The following SGTB variants were observed in gnomAD, a reference collection of about 807,000 sequenced individuals.
SGTB encodes the protein small glutamine rich tetratricopeptide repeat co-chaperone beta.
A neutral mutation model predicts 43.9 loss-of-function variants in SGTB; 19 were observed. That is an observed-to-expected ratio of 0.43 (90% confidence interval 0.30 to 0.63). The LOEUF (loss-of-function observed/expected upper bound fraction) is 0.63, where lower values mean the gene tolerates loss of function less well. Ranked by LOEUF, SGTB falls within the 30% of genes least tolerant of loss-of-function variation. The probability of loss-of-function intolerance (pLI) is 0.12; values close to 1 mark genes in which losing one functional copy is unlikely to be tolerated. For missense variants in SGTB, 304 were observed against 358.9 expected (o/e 0.85, Z 1.24); for synonymous variants, 116 against 117.3 (o/e 0.99, Z 0.07).
At chr5:65,696,649 T>C (rs1418864536) in intron 5 of SGTB, among the ~76,000 whole-genome samples, 1 of 152,190 alleles carries the variant, frequency 6.6e-6, no homozygotes, top group African/African-American at 2.4e-5. Context: ...AAAACAAATA[T>C]GCATATAAGA....
chr5:65,680,895 A>T (rs986544861), intron 6 of SGTB, 101 bp from the exon 7 acceptor site: 20 of 1,269,380 alleles, frequency 1.6e-5, no homozygotes, highest in Non-Finnish European at 2.2e-5. Flanking sequence ...TTCAGTTCTA[A>T]TCCAGATTAC....
Position 65,722,067 on chromosome 5 carries a change from C to G in SGTB, c.-173G>C, listed in dbSNP as rs1181774971. The G allele has an allele frequency of 6.2e-6, 1 of 161,568 alleles. No homozygotes were observed. Among genetic ancestry groups the G allele is most frequent in the Non-Finnish European group, 1.3e-5 (1 of 74,902 alleles). 10.0% of individuals were successfully genotyped at this position (161,568 alleles called of 1,614,324 possible). ...TTCCCCGGCCCCTAGGCCGTAGACCCCAGAACCCACCAGGCTGTGCTCTCT... is the reference window on the plus strand; with the variant it reads ...TTCCCCGGCCCCTAGGCCGTAGACCGCAGAACCCACCAGGCTGTGCTCTCT... On this transcript the variant is annotated 5_prime_UTR_variant, in exon 1 of 11. Transcript: ENST00000381007.
intron 3 of SGTB, among the ~76,000 whole-genome samples, chr5:65,710,995 CA>C (rs982877268): frequency 0.28 from 26,208 of 93,066 alleles, 2,371 homozygotes; most frequent in Non-Finnish European, 0.31. Context: ...GACTCTGTCT[CA>C]AAAAAAAAAA....
intron 5 of SGTB, among the ~76,000 whole-genome samples, chr5:65,690,634 A>T (rs1231019924): frequency 6.6e-6 from 1 of 152,218 alleles, no homozygotes; most frequent in African/African-American, 2.4e-5. Flanking sequence ...TATTAAACAC[A>T]AGGCAAATCA....
chr5:65,670,085 A>G lies in SGTB; in HGVS notation c.*161T>C. On this transcript the variant is annotated 3_prime_UTR_variant, in exon 11 of 11. Coordinates refer to ENST00000381007, the MANE Select transcript of SGTB (RefSeq NM_019072.3). The stretch of plus-strand genomic sequence containing the variant: ...TGTGATAAACCTATTGTCTAAACAG[A>G]TTTATTCTTTAAGAATATACACAAG... The G allele has an allele frequency of 5.1e-6, 3 of 585,402 alleles. No homozygotes were observed. Among genetic ancestry groups the G allele is most frequent in the Non-Finnish European group, 8.9e-6 (3 of 338,134 alleles). 36.3% of individuals were successfully genotyped at this position (585,402 alleles called of 1,614,324 possible). A position where few individuals can be genotyped will look rare whatever the true frequency, so the allele number is the denominator to read the frequency against.
intron 2 of SGTB, among the ~76,000 whole-genome samples, chr5:65,719,561 C>T (rs924267807): frequency 2.0e-5 from 3 of 152,078 alleles, no homozygotes; most frequent in African/African-American, 7.2e-5. Context: ...CCACTACACT[C>T]CAGCCTGGGT....
chr5:65,704,520 C>T lies in SGTB; in HGVS notation c.275-142G>A, dbSNP rs1757892733. 7.8e-6 allele frequency: 4 copies of T among 515,472 alleles called. No homozygotes were observed. The East Asian group carries it at 1.3e-4, about 17-fold the overall frequency. The allele number at this position is 515,472 out of a possible 1,614,324, so 31.9% of individuals were successfully genotyped here. A position where few individuals can be genotyped will look rare whatever the true frequency, so the allele number is the denominator to read the frequency against. ...TTCAGTCACACTGGAAAAAATTTTA[C>T]ATTGTACTATAGAGTTGATATTATT... On this transcript the variant is annotated intron_variant, in intron 4 of 10. Transcript: ENST00000381007.
chr5:65,704,049 A>AAATAAAT (rs1554025724), intron 5 of SGTB, among the ~76,000 whole-genome samples: 3 of 139,636 alleles, frequency 2.1e-5, no homozygotes, highest in Admixed American at 7.2e-5. Flanking sequence ...AAAAAAAAAA[A>AAATAAAT]AAATAAATAA....
At chr5:65,698,841 A>G (rs1352884035) in intron 5 of SGTB, among the ~76,000 whole-genome samples, 1 of 152,134 alleles carries the variant, frequency 6.6e-6, no homozygotes, top group African/African-American at 2.4e-5. Context: ...ATACCACCTT[A>G]CTCTTGCAAG....
intron 10 of SGTB, 101 bp downstream of exon 10, chr5:65,671,814 A>G: frequency 9.3e-7 from 1 of 1,076,356 alleles, no homozygotes; most frequent in Admixed American, 2.7e-5. Context: ...ACTAACGGTA[A>G]AAGATAAACA....
At position 65,668,759 on chromosome 5, in the gene SGTB, T is replaced by G. The variant is rs981951229; in HGVS notation, c.*1487A>C. The stretch of plus-strand genomic sequence containing the variant: ...CATCTCAAGAAAAAAAAAAAAAAAA[T>G]TAGCTGGGCGTGGTGGTGGGCGCCC... On this transcript the variant is annotated 3_prime_UTR_variant, in exon 11 of 11. Transcript: ENST00000381007. 3.4e-5 allele frequency: 4 copies of G among 118,680 alleles called. No homozygotes were observed. Among genetic ancestry groups the G allele is most frequent in the Non-Finnish European group, 5.5e-5 (3 of 54,402 alleles). The allele number at this position is 118,680 out of a possible 1,614,324, so 7.4% of individuals were successfully genotyped here.
chr5:65,717,294 T>C (rs552288772), intron 2 of SGTB, among the ~76,000 whole-genome samples: 3 of 152,264 alleles, frequency 2.0e-5, no homozygotes, highest in South Asian at 4.1e-4. Context: ...AAGGGAGACA[T>C]ACAATTAAGC....
intron 8 of SGTB, 123 bp from the exon 9 acceptor site, chr5:65,672,404 G>T: frequency 8.3e-7 from 1 of 1,205,036 alleles, no homozygotes; most frequent in Non-Finnish European, 1.2e-6. Context: ...TAGAGTTTCA[G>T]TGTGCTATGC....
At chr5:65,722,390 T>A (rs1478045280), upstream of SGTB, 4 of 1,589,750 alleles carry the variant, frequency 2.5e-6, no homozygotes. Context: ...GCCCGGTGCC[T>A]TTTGGCTGTG....
chr5:65,718,288 C>A (rs1758188694), intron 2 of SGTB, among the ~76,000 whole-genome samples: 1 of 152,120 alleles, frequency 6.6e-6, no homozygotes, highest in Non-Finnish European at 1.5e-5. Flanking sequence ...TAATACCAGC[C>A]ACCCGCCTCA....
At chr5:65,670,702 T>C (rs1757138427) in intron 10 of SGTB, among the ~76,000 whole-genome samples, 1 of 152,236 alleles carries the variant, frequency 6.6e-6, no homozygotes. Flanking sequence ...CAAGTCTTAA[T>C]AGTCTCATAT....
intron 5 of SGTB, among the ~76,000 whole-genome samples, chr5:65,690,149 TA>T (rs1220708471): frequency 1.3e-5 from 2 of 151,796 alleles, no homozygotes; most frequent in Admixed American, 1.3e-4. Flanking sequence ...AAAGGATGCT[TA>T]AAAAGAGCCA....
rs1217109659 is a variant in SGTB at position 65,667,652 on chromosome 5, G to A, written c.*2594C>T. 1 of 151,936 alleles carries A rather than the reference G, an allele frequency of 6.6e-6. No homozygotes were observed. The highest frequency in any genetic ancestry group is 1.5e-5 in the Non-Finnish European group (1 of 68,006). 9.4% of individuals were successfully genotyped at this position (151,936 alleles called of 1,614,324 possible). ...CTTCGTTGTAGCTTTGTTTGGCCCAGGTGCTTAGGTGTTTGCAGGTCTGAG... is the reference window on the plus strand; with the variant it reads ...CTTCGTTGTAGCTTTGTTTGGCCCAAGTGCTTAGGTGTTTGCAGGTCTGAG... On this transcript the variant is annotated 3_prime_UTR_variant, in exon 11 of 11. Transcript: ENST00000381007.
In SGTB at chr5:65,670,301, A is replaced by G; in HGVS notation, c.860T>C (p.Leu287Pro). ...TGATCTGCTCCGGATGTGATTTCTC[A>G]GTTGCTCTATAAGTTCAGGATTTTG... Reference protein sequence around the residue: ...QQQNPELIEQLRNHIRSRSFS... With the variant: ...QQQNPELIEQPRNHIRSRSFS... The change falls in exon 11 of 11, where the codon CTG (leucine) becomes CCG (proline). Residue 287 changes from leucine (L) to proline (P), a missense_variant. Transcript: ENST00000381007. The G allele has an allele frequency of 1.2e-6, 2 of 1,614,188 alleles. No homozygotes were observed. Among genetic ancestry groups the G allele is most frequent in the Non-Finnish European group, 1.7e-6 (2 of 1,180,006 alleles).
Sources: gnomAD v4.1 joint callset for allele counts (sites outside exome capture counted in the v4.1 genomes callset) on GRCh38, gnomAD v4.1.1 for gene constraint, MANE v1.5 for transcripts, NCBI Gene and HGNC (gene_info 2026-07-23, HGNC 2026-07-21) for gene names.